Variants in VAV1 observed in about 807,000 individuals in gnomAD.
VAV1 encodes vav guanine nucleotide exchange factor 1, also known as proto-oncogene vav.
Under a neutral mutation model 128.1 loss-of-function variants are expected in VAV1, and 33 were observed. The observed-to-expected ratio is 0.26, with a 90% CI of 0.20 to 0.34. VAV1 has a LOEUF of 0.34. VAV1 is among the 10% of genes least tolerant of loss of function. The pLI is 1.00. For missense variants in VAV1, 715 were observed against 1,093.7 expected (o/e 0.65, Z 4.88); for synonymous variants, 394 against 409.8 (o/e 0.96, Z 0.47).
At chr19:6,843,038 G>A in intron 21 of VAV1, 97 bp from the exon 22 acceptor site, 4 of 1,339,594 alleles carry the variant, frequency 3.0e-6, no homozygotes, top group Middle Eastern at 2.5e-4. Context: ...CTAAATGCAA[G>A]TGGAATGAGT....
At chr19:6,855,797 CCATT>C (rs1972781354) in intron 26 of VAV1, among the ~76,000 whole-genome samples, 1 of 136,304 alleles carries the variant, frequency 7.3e-6, no homozygotes, top group Non-Finnish European at 1.6e-5. Context: ...ATCCATCCAC[CCATT>C]CATCTATCTA....
Position 6,814,637 on chromosome 19 carries a change from CTCCTTCCT to C in VAV1, c.205-6035_205-6028del, listed in dbSNP as rs1169076080. Among the ~76,000 whole-genome samples the C allele has an allele frequency of 6.9e-3, 567 of 82,038 alleles. 21 individuals carry two copies. The highest frequency in any genetic ancestry group is 8.5e-3 in the Non-Finnish European group (377 of 44,304). 53.8% of individuals were successfully genotyped at this position (82,038 alleles called of 152,430 possible). A position where few individuals can be genotyped will look rare whatever the true frequency, so the allele number is the denominator to read the frequency against. On this transcript the variant is annotated intron_variant, in intron 1 of 26. Coordinates refer to ENST00000602142, the MANE Select transcript of VAV1 (RefSeq NM_005428.4). ...TTCTTTCTTTCTTTCTTTTCTTTCT[CTCCTTCCT>C]TCCTTCCTTCCTTCCTTCCTTCCTT...
intron 23 of VAV1, among the ~76,000 whole-genome samples, chr19:6,849,217 G>A (rs73484455): frequency 0.012 from 1,763 of 150,564 alleles, 21 homozygotes; most frequent in Middle Eastern, 0.038. Flanking sequence ...TCATATACTC[G>A]GTAGTTTTTC....
At chr19:6,825,690 G>A (rs1971900915) in intron 8 of VAV1, among the ~76,000 whole-genome samples, 2 of 152,184 alleles carry the variant, frequency 1.3e-5, no homozygotes, top group Non-Finnish European at 2.9e-5. Context: ...GATGCACACA[G>A]GGCCTGGCAC....
intron 15 of VAV1, among the ~76,000 whole-genome samples, chr19:6,832,577 C>CTT: frequency 7.6e-6 from 1 of 131,780 alleles, no homozygotes; most frequent in African/African-American, 3.3e-5. Context: ...TCCCCTTCCT[C>CTT]CTCCTCGCCC....
At chr19:6,827,849 C>G (rs563346438) in intron 9 of VAV1, among the ~76,000 whole-genome samples, 78 of 152,030 alleles carry the variant, frequency 5.1e-4, no homozygotes, top group Non-Finnish European at 9.1e-4. Flanking sequence ...ATCCTCCCGC[C>G]TCGGCCTCCC....
intron 23 of VAV1, among the ~76,000 whole-genome samples, chr19:6,848,701 C>T (rs1464477386): frequency 6.6e-6 from 1 of 151,830 alleles, no homozygotes; most frequent in African/African-American, 2.4e-5. Context: ...TCGTGCCTGG[C>T]CTGAAGGCTT....
chr19:6,801,564 C>G (rs151100897), intron 1 of VAV1, among the ~76,000 whole-genome samples: 535 of 152,248 alleles, frequency 3.5e-3, no homozygotes, highest in Middle Eastern at 0.014. Context: ...TGGGAACCCT[C>G]GGGAGCTTGA....
intron 1 of VAV1, among the ~76,000 whole-genome samples, chr19:6,779,637 G>C (rs1485263478): frequency 6.7e-6 from 1 of 149,832 alleles, no homozygotes; most frequent in East Asian, 2.0e-4. Flanking sequence ...GAGGCGGGAG[G>C]ATTGCTTGGG....
rs1972826929 is a variant in VAV1, at chr19:6,857,353, G to A, written c.*246G>A. The stretch of plus-strand genomic sequence containing the variant: ...AGGGGGTTACATTTAATAAAAGGAT[G>A]AAGATGGATAGAAGGACTGGTGTCG... On this transcript the variant is annotated 3_prime_UTR_variant, in exon 27 of 27. Coordinates refer to ENST00000602142, the MANE Select transcript of VAV1 (RefSeq NM_005428.4). 1.9e-6 allele frequency: 1 copy of A among 528,860 alleles called. No individual in the cohort carries two copies. The highest frequency in any genetic ancestry group is 3.4e-6 in the Non-Finnish European group (1 of 295,386). 32.8% of individuals were successfully genotyped at this position (528,860 alleles called of 1,614,324 possible). A position where few individuals can be genotyped will look rare whatever the true frequency, so the allele number is the denominator to read the frequency against.
At chr19:6,845,030 T>G (rs1490704794) in intron 22 of VAV1, among the ~76,000 whole-genome samples, 1 of 152,086 alleles carries the variant, frequency 6.6e-6, no homozygotes, top group African/African-American at 2.4e-5. Flanking sequence ...TTTGCATTCA[T>G]TAAAAAAAGA....
intron 8 of VAV1, among the ~76,000 whole-genome samples, 176 bp downstream of exon 8, chr19:6,825,582 G>A (rs1971898745): frequency 6.6e-6 from 1 of 152,202 alleles, no homozygotes; most frequent in African/African-American, 2.4e-5. Flanking sequence ...GTGGCACTGG[G>A]TAGTCACTTA....
chr19:6,807,642 G>A (rs1971424287), intron 1 of VAV1, among the ~76,000 whole-genome samples: 2 of 151,992 alleles, frequency 1.3e-5, no homozygotes, highest in Admixed American at 1.3e-4. Context: ...AGCCCAGGAG[G>A]TGGAGGCTGC....
intron 1 of VAV1, among the ~76,000 whole-genome samples, chr19:6,774,616 G>A (rs1178421152): frequency 6.7e-6 from 1 of 150,030 alleles, no homozygotes; most frequent in East Asian, 2.0e-4. Context: ...TGTATTTTTA[G>A]TAGAGACAGG....
At chr19:6,824,819 C>T (rs1040939677) in intron 6 of VAV1, among the ~76,000 whole-genome samples, 2 of 152,166 alleles carry the variant, frequency 1.3e-5, no homozygotes, top group African/African-American at 4.8e-5. Flanking sequence ...CGTGAGCCAC[C>T]GCACCTGGCC....
At chr19:6,813,629 T>C (rs2144752945) in intron 1 of VAV1, among the ~76,000 whole-genome samples, 1 of 152,340 alleles carries the variant, frequency 6.6e-6, no homozygotes, top group South Asian at 2.1e-4. Context: ...TATTGGCTAC[T>C]CATGGCTGAG....
chr19:6,774,427 C>CTTTTTTTTTTTTTTTTTTTTTTT (rs1002823385), intron 1 of VAV1, among the ~76,000 whole-genome samples: 1 of 91,568 alleles, frequency 1.1e-5, no homozygotes, highest in African/African-American at 5.6e-5. Flanking sequence ...CGCGCCCAGC[C>CTTTTTTTTTTTTTTTTTTTTTTT]TTTTTTTTTT....
At chr19:6,844,668 A>G (rs1190060576) in intron 22 of VAV1, among the ~76,000 whole-genome samples, 1 of 152,110 alleles carries the variant, frequency 6.6e-6, no homozygotes, top group Non-Finnish European at 1.5e-5. Flanking sequence ...AGAACACGTA[A>G]GAGGCAGGGT....
intron 22 of VAV1, among the ~76,000 whole-genome samples, chr19:6,845,403 C>CAAAT (rs770285378): frequency 1.4e-4 from 21 of 151,732 alleles, no homozygotes; most frequent in South Asian, 4.1e-4. Context: ...AACAAACAAA[C>CAAAT]AAATAAATAA....
Sources: allele counts gnomAD v4.1 joint callset (sites outside exome capture counted in the v4.1 genomes callset), GRCh38; gene constraint gnomAD v4.1.1; transcripts MANE v1.5; gene names NCBI Gene and HGNC (gene_info 2026-07-23, HGNC 2026-07-21).